The following ARMH3 variants were observed in gnomAD, a reference collection of about 807,000 sequenced individuals.
ARMH3 encodes the protein armadillo-like helical domain-containing protein 3.
Under a neutral mutation model 99.1 loss-of-function variants are expected in ARMH3, and 60 were observed. The ratio of observed to expected loss-of-function variants is 0.61; its 90% confidence interval spans 0.49 to 0.75. The LOEUF is 0.75. ARMH3 is among the 30% of genes least tolerant of loss of function. ARMH3 has a pLI of 0.00. For missense variants in ARMH3, 679 were observed against 843.1 expected (o/e 0.81, Z 2.41); for synonymous variants, 285 against 292.8 (o/e 0.97, Z 0.27).
chr10:102,027,099 T>TGAA (rs2067015839), intron 5 of ARMH3, among the ~76,000 whole-genome samples: 1 of 151,892 alleles, frequency 6.6e-6, no homozygotes, highest in Non-Finnish European at 1.5e-5. Flanking sequence ...GCCAACAGGG[T>TGAA]GAAACCCTGT....
intron 22 of ARMH3, among the ~76,000 whole-genome samples, chr10:101,942,061 C>G (rs1016036382): frequency 6.6e-6 from 1 of 152,154 alleles, no homozygotes; most frequent in African/African-American, 2.4e-5. Flanking sequence ...AACAGGCACC[C>G]AGATGACCTC....
At chr10:101,969,581 T>C (rs923549598) in intron 20 of ARMH3, among the ~76,000 whole-genome samples, 8 of 152,252 alleles carry the variant, frequency 5.3e-5, no homozygotes. Flanking sequence ...GAGAGCCAGC[T>C]GGATCCAGAA....
chr10:101,957,614 G>T, intron 21 of ARMH3, 36 bp downstream of exon 21: 1 of 1,574,968 alleles, frequency 6.3e-7, no homozygotes, highest in South Asian at 1.2e-5. Context: ...CTTAGCATAT[G>T]GCTTCAGAAA....
At chr10:101,928,264 G>A (rs1162844313) in intron 23 of ARMH3, among the ~76,000 whole-genome samples, 1 of 152,120 alleles carries the variant, frequency 6.6e-6, no homozygotes, top group Non-Finnish European at 1.5e-5. Context: ...TATAAAATCT[G>A]AGACTTTACA....
At chr10:102,055,220 C>A (rs2067812127) in intron 1 of ARMH3, among the ~76,000 whole-genome samples, 1 of 151,962 alleles carries the variant, frequency 6.6e-6, no homozygotes, top group African/African-American at 2.4e-5. Flanking sequence ...TCGCTTGAAC[C>A]CCGGAGGCAG....
intron 1 of ARMH3, among the ~76,000 whole-genome samples, chr10:102,054,892 G>T (rs1269211611): frequency 6.6e-6 from 1 of 151,442 alleles, no homozygotes; most frequent in African/African-American, 2.4e-5. Flanking sequence ...GCTGCTTGGG[G>T]GGCTGACGGG....
At chr10:101,923,388 G>A (rs10786654) in intron 23 of ARMH3, among the ~76,000 whole-genome samples, 31,196 of 152,118 alleles carry the variant, frequency 0.21, 3,560 homozygotes, top group East Asian at 0.52. Flanking sequence ...TTAATTGCCT[G>A]CTTAAAATGC....
Position 101,847,274 on chromosome 10 carries a change from C to T in ARMH3, c.*254G>A, listed in dbSNP as rs1277391457. 2.3e-6 allele frequency: 1 copy of T among 439,302 alleles called. No homozygotes were observed. The highest frequency in any genetic ancestry group is 2.0e-5 in the African/African-American group (1 of 50,272). 27.2% of individuals were successfully genotyped at this position (439,302 alleles called of 1,614,324 possible). The stretch of plus-strand genomic sequence containing the variant: ...AATGTGAGGGGCTGTTTAGGGAGCC[C>T]ACTCTGGAAGTCCCCACATTCCTGG... On this transcript the variant is annotated 3_prime_UTR_variant, in exon 26 of 26. Transcript: ENST00000370033.
In ARMH3 at chr10:101,956,733, A is replaced by G; in HGVS notation, c.1579-10T>C. The stretch of plus-strand genomic sequence containing the variant: ...TAAATAGGTTCACAATCTAAAAAAG[A>G]AGGAAAGGCCCATATATAGGCATCA... On this transcript the variant is annotated splice_polypyrimidine_tract_variant and intron_variant, in intron 21 of 25. Coordinates refer to ENST00000370033, the MANE Select transcript of ARMH3 (RefSeq NM_024541.3). 1 of 1,612,424 alleles carries G rather than the reference A, an allele frequency of 6.2e-7. No homozygotes were observed. Among genetic ancestry groups the G allele is most frequent in the Non-Finnish European group, 8.5e-7 (1 of 1,178,824 alleles).
intron 23 of ARMH3, among the ~76,000 whole-genome samples, chr10:101,926,922 C>T (rs1319071647): frequency 1.3e-5 from 2 of 152,114 alleles, no homozygotes; most frequent in East Asian, 1.9e-4. Flanking sequence ...AAAGAACAAA[C>T]GCCCAGGAAT....
chr10:102,032,797 T>C, intron 4 of ARMH3: 1 of 463,762 alleles, frequency 2.2e-6, no homozygotes. Context: ...TCTAAGAATC[T>C]ACTTTAGCAT....
At chr10:101,917,427 A>G (rs887661924) in intron 23 of ARMH3, among the ~76,000 whole-genome samples, 1 of 152,212 alleles carries the variant, frequency 6.6e-6, no homozygotes, top group Non-Finnish European at 1.5e-5. Context: ...TGCATGTATC[A>G]GTAGTTCATT....
At chr10:101,862,880 T>A (rs1203480234) in intron 24 of ARMH3, among the ~76,000 whole-genome samples, 1 of 152,122 alleles carries the variant, frequency 6.6e-6, no homozygotes, top group Non-Finnish European at 1.5e-5. Context: ...GGACATAAAA[T>A]CAAGAGCCAA....
intron 24 of ARMH3, among the ~76,000 whole-genome samples, chr10:101,856,362 T>A (rs928742409): frequency 6.6e-6 from 1 of 152,176 alleles, no homozygotes; most frequent in African/African-American, 2.4e-5. Context: ...AATTCAAAGG[T>A]CTTTGATCTT....
chr10:101,965,975 T>C (rs1053107547), intron 20 of ARMH3, among the ~76,000 whole-genome samples: 9 of 152,132 alleles, frequency 5.9e-5, no homozygotes, highest in Non-Finnish European at 1.2e-4. Flanking sequence ...CACATGCAGA[T>C]AGAATATAGA....
intron 23 of ARMH3, among the ~76,000 whole-genome samples, chr10:101,916,349 G>C (rs1843086013): frequency 6.6e-6 from 1 of 151,946 alleles, no homozygotes; most frequent in Non-Finnish European, 1.5e-5. Context: ...AAAACCATCA[G>C]CAACCTACCC....
chr10:101,866,482 T>TA (rs58252053), intron 24 of ARMH3, among the ~76,000 whole-genome samples: 67,322 of 126,598 alleles, frequency 0.53, 17,504 homozygotes, highest in South Asian at 0.72. Context: ...AGGACAAGTG[T>TA]AAAAAAAAAA....
At chr10:101,857,775 T>C (rs1348867706) in intron 24 of ARMH3, among the ~76,000 whole-genome samples, 1 of 152,220 alleles carries the variant, frequency 6.6e-6, no homozygotes, top group Non-Finnish European at 1.5e-5. Context: ...TAAAATGCTC[T>C]ATAAACTTGG....
chr10:101,916,771 T>C (rs1019235785), intron 23 of ARMH3, among the ~76,000 whole-genome samples: 1 of 152,180 alleles, frequency 6.6e-6, no homozygotes, highest in Non-Finnish European at 1.5e-5. Context: ...CTCACCAATA[T>C]AAGCAGCCAT....
Sources: allele counts gnomAD v4.1 joint callset (sites outside exome capture counted in the v4.1 genomes callset), GRCh38; gene constraint gnomAD v4.1.1; transcripts MANE v1.5; gene names NCBI Gene and HGNC (gene_info 2026-07-23, HGNC 2026-07-21).